The following DLC1 variants were observed in gnomAD, a reference collection of about 807,000 sequenced individuals.
DLC1 encodes the protein DLC1 Rho GTPase activating protein.
A neutral mutation model predicts 140.3 loss-of-function variants in DLC1; 54 were observed. The ratio of observed to expected loss-of-function variants is 0.38; its 90% confidence interval spans 0.31 to 0.48. DLC1 has a LOEUF of 0.48. DLC1 is among the 20% of genes least tolerant of loss of function. The probability of loss-of-function intolerance (pLI) is 0.96; values close to 1 mark genes in which losing one functional copy is unlikely to be tolerated. For synonymous variants in DLC1, 986 were observed against 728.1 expected (o/e 1.35, Z -5.70); for missense variants, 2,536 against 1,907.0 (o/e 1.33, Z -6.14).
chr8:13,545,213 G>A (rs1336835096), intron 1 of DLC1, among the ~76,000 whole-genome samples: 3 of 151,606 alleles, frequency 2.0e-5, no homozygotes, highest in Admixed American at 2.0e-4. Flanking sequence ...TTTTTAATAT[G>A]AACAAAACAT....
At chr8:13,375,389 G>C (rs182162979) in intron 4 of DLC1, among the ~76,000 whole-genome samples, 5 of 152,240 alleles carry the variant, frequency 3.3e-5, no homozygotes, top group Middle Eastern at 3.4e-3. Context: ...AGTTGCTTAT[G>C]AGCTTAAGGA....
At chr8:13,538,987 T>C (rs1032681162) in intron 1 of DLC1, among the ~76,000 whole-genome samples, 1 of 152,218 alleles carries the variant, frequency 6.6e-6, no homozygotes, top group Non-Finnish European at 1.5e-5. Flanking sequence ...TAAAAACCTG[T>C]CATCATTTTT....
chr8:13,388,219 A>G (rs984737399), intron 4 of DLC1, among the ~76,000 whole-genome samples: 1 of 151,994 alleles, frequency 6.6e-6, no homozygotes, highest in African/African-American at 2.4e-5. Context: ...CCACTGAAAT[A>G]GTATTTTATT....
intron 1 of DLC1, among the ~76,000 whole-genome samples, chr8:13,541,611 G>A (rs1380299485): frequency 6.6e-6 from 1 of 152,082 alleles, no homozygotes; most frequent in African/African-American, 2.4e-5. Context: ...GTGCAGTGGC[G>A]CGATCTCGGC....
At chr8:13,147,151 T>C (rs1057116144) in intron 5 of DLC1, among the ~76,000 whole-genome samples, 1 of 152,198 alleles carries the variant, frequency 6.6e-6, no homozygotes, top group Middle Eastern at 3.2e-3. Flanking sequence ...TAGAACTGAA[T>C]CTATCAGCTG....
intron 4 of DLC1, among the ~76,000 whole-genome samples, chr8:13,330,878 G>A (rs187712992): frequency 1.3e-5 from 2 of 152,172 alleles, no homozygotes; most frequent in Non-Finnish European, 2.9e-5. Flanking sequence ...GTGGAAACAG[G>A]TTAGCCTTAT....
At chr8:13,306,268 T>G (rs1832422892) in intron 4 of DLC1, among the ~76,000 whole-genome samples, 1 of 152,192 alleles carries the variant, frequency 6.6e-6, no homozygotes, top group Non-Finnish European at 1.5e-5. Context: ...GGGTTCAGAA[T>G]GAGATCTTTC....
intron 2 of DLC1, among the ~76,000 whole-genome samples, chr8:13,487,023 C>T (rs918894944): frequency 2.6e-5 from 4 of 152,144 alleles, no homozygotes; most frequent in Non-Finnish European, 5.9e-5. Flanking sequence ...GGCAAATTAT[C>T]CACCGGCCCT....
intron 4 of DLC1, among the ~76,000 whole-genome samples, chr8:13,325,431 TG>T (rs1299745844): frequency 6.6e-6 from 1 of 151,878 alleles, no homozygotes; most frequent in African/African-American, 2.4e-5. Context: ...AAACATGTTC[TG>T]GGACAATAGT....
At chr8:13,122,360 A>G (rs1411546792) in intron 5 of DLC1, among the ~76,000 whole-genome samples, 1 of 152,188 alleles carries the variant, frequency 6.6e-6, no homozygotes, top group Non-Finnish European at 1.5e-5. Context: ...TCATACCTTA[A>G]GCCCTGAGTT....
intron 4 of DLC1, among the ~76,000 whole-genome samples, chr8:13,352,985 C>G (rs538186052): frequency 2.4e-4 from 36 of 152,114 alleles, no homozygotes; most frequent in Non-Finnish European, 4.3e-4. Flanking sequence ...CAAGCAAAGC[C>G]CTACCATAAA....
At chr8:13,271,679 G>T (rs770801393) in intron 5 of DLC1, among the ~76,000 whole-genome samples, 12 of 151,984 alleles carry the variant, frequency 7.9e-5, no homozygotes, top group Non-Finnish European at 1.3e-4. Flanking sequence ...AAATATTTTT[G>T]TTTGTTTTTA....
intron 5 of DLC1, among the ~76,000 whole-genome samples, chr8:13,249,007 T>G (rs932678575): frequency 2.0e-5 from 3 of 152,206 alleles, no homozygotes; most frequent in Non-Finnish European, 4.4e-5. Flanking sequence ...TTTTACTCAT[T>G]CTTAGACTCC....
intron 1 of DLC1, among the ~76,000 whole-genome samples, chr8:13,561,303 C>T (rs1016023811): frequency 2.6e-5 from 4 of 151,952 alleles, no homozygotes; most frequent in Admixed American, 2.0e-4. Context: ...GCAACTACAG[C>T]CACACCTGGT....
chr8:13,193,250 A>T (rs141181759), intron 5 of DLC1, among the ~76,000 whole-genome samples: 1 of 152,162 alleles, frequency 6.6e-6, no homozygotes, highest in African/African-American at 2.4e-5. Context: ...TCAAAAGACC[A>T]TAACTTTTCT....
chr8:13,322,225 T>G (rs1484257950), intron 4 of DLC1, among the ~76,000 whole-genome samples: 1 of 152,188 alleles, frequency 6.6e-6, no homozygotes, highest in East Asian at 1.9e-4. Flanking sequence ...TTTTGATGAG[T>G]ACCCACTGCT....
chr8:13,416,434 C>T (rs903841487), intron 2 of DLC1, among the ~76,000 whole-genome samples: 2 of 151,922 alleles, frequency 1.3e-5, no homozygotes, highest in Admixed American at 6.6e-5. Context: ...ATATACAAAA[C>T]ATATAAAAGA....
chr8:13,492,231 C>A (rs1445774140), intron 2 of DLC1, among the ~76,000 whole-genome samples: 3 of 152,070 alleles, frequency 2.0e-5, no homozygotes, highest in Non-Finnish European at 4.4e-5. Flanking sequence ...ATAAGGCTGG[C>A]TCTGGTCATC....
intron 5 of DLC1, among the ~76,000 whole-genome samples, chr8:13,158,749 C>CCA (rs1474493357): frequency 1.4e-4 from 14 of 102,370 alleles, no homozygotes; most frequent in African/African-American, 1.7e-4. Flanking sequence ...CCCCCCCCCG[C>CCA]CCGCCACACA....
Sources: allele counts gnomAD v4.1 joint callset (sites outside exome capture counted in the v4.1 genomes callset), GRCh38; gene constraint gnomAD v4.1.1; transcripts MANE v1.5; gene names NCBI Gene and HGNC (gene_info 2026-07-23, HGNC 2026-07-21).